Variants in WDR33 observed in about 807,000 individuals in gnomAD.
WDR33 encodes WD repeat domain 33, also known as pre-mRNA 3' end processing protein WDR33.
In WDR33, 47 loss-of-function variants were observed where a neutral mutation model predicts 164.9. The ratio of observed to expected loss-of-function variants is 0.29; its 90% CI spans 0.23 to 0.36. WDR33 has a LOEUF of 0.36. Among genes scored for constraint, WDR33 ranks in the 10% least tolerant of loss-of-function variants. WDR33 has a pLI of 1.00. For missense variants in WDR33, 1,137 were observed against 1,754.1 expected (o/e 0.65, Z 6.28); for synonymous variants, 505 against 589.0 (o/e 0.86, Z 2.06).
rs1182984191 is a variant in WDR33 at position 127,721,474 on chromosome 2, T to C, written c.1671+362A>G. Among the ~76,000 whole-genome samples, 1 of 152,056 alleles carries C rather than the reference T, an allele frequency of 6.6e-6. No homozygotes were observed. Among genetic ancestry groups the C allele is most frequent in the Non-Finnish European group, 1.5e-5 (1 of 67,994 alleles). Reference sequence around the variant, plus strand: ...CACTTAAAAAAAAATTAGTCAGACGTGATGGTGCATGCCTGTGGTCTCTGC... The same window carrying C: ...CACTTAAAAAAAAATTAGTCAGACGCGATGGTGCATGCCTGTGGTCTCTGC... On this transcript the variant is annotated intron_variant, in intron 15 of 21. Transcript: ENST00000322313. The surrounding 1 kb of genome is among the most constrained non-coding windows in gnomAD (Gnocchi z 4.9).
intron 1 of WDR33, among the ~76,000 whole-genome samples, chr2:127,795,836 G>GA (rs200785408): frequency 0.14 from 19,944 of 143,548 alleles, 1,467 homozygotes; most frequent in South Asian, 0.27. Flanking sequence ...TTTGTCTCCG[G>GA]AAAAAAAAAA....
intron 1 of WDR33, among the ~76,000 whole-genome samples, chr2:127,777,083 T>G (rs148684678): frequency 3.3e-5 from 5 of 152,286 alleles, no homozygotes; most frequent in African/African-American, 1.2e-4. Context: ...GGAACTGAGG[T>G]AGAGAAAAGA....
chr2:127,779,037 G>A (rs1688285010), intron 1 of WDR33, among the ~76,000 whole-genome samples: 1 of 151,954 alleles, frequency 6.6e-6, no homozygotes, highest in African/African-American at 2.4e-5. Flanking sequence ...GCGAGGCTCT[G>A]GCATCAAAAA....
At position 127,701,776 on chromosome 2, in the gene WDR33, G is replaced by A. The variant is rs1281002368; in HGVS notation, c.*4547C>T. 24 of 1,429,930 alleles carry A rather than the reference G, an allele frequency of 1.7e-5. No homozygotes were observed. The highest frequency in any genetic ancestry group is 2.1e-5 in the Non-Finnish European group (23 of 1,091,928). 88.6% of individuals were successfully genotyped at this position (1,429,930 alleles called of 1,614,324 possible). ...CAGCGGCTGGCGGCGGGCGGCGGGTGCCTGCTGCTGGCTGCACTGTGTTTC... is the reference window on the plus strand; with the variant it reads ...CAGCGGCTGGCGGCGGGCGGCGGGTACCTGCTGCTGGCTGCACTGTGTTTC... On this transcript the variant is annotated 3_prime_UTR_variant, in exon 22 of 22. Transcript: ENST00000322313.
rs971768437 is a variant in WDR33, at chr2:127,701,908, G to T, written c.*4415C>A. On this transcript the variant is annotated 3_prime_UTR_variant, in exon 22 of 22. Transcript: ENST00000322313. ...GCGTTGGCGGGAAGCGCGCTGCTGC[G>T]GGGCGGCGCGGCGTGCGGACGCCTG... 2 of 1,449,566 alleles carry T rather than the reference G, an allele frequency of 1.4e-6. No homozygotes were observed. The highest frequency in any genetic ancestry group is 1.3e-5 in the South Asian group (1 of 76,118). The allele number at this position is 1,449,566 out of a possible 1,614,324, so 89.8% of individuals were successfully genotyped here.
chr2:127,711,780 A>ATTTTTTTTTT (rs1158780905), intron 18 of WDR33, among the ~76,000 whole-genome samples: 4 of 88,302 alleles, frequency 4.5e-5, no homozygotes, highest in African/African-American at 1.9e-4. Context: ...ATATATATAT[A>ATTTTTTTTTT]TTTTTTTTTT....
intron 1 of WDR33, among the ~76,000 whole-genome samples, chr2:127,776,572 G>C (rs551385834): frequency 6.6e-6 from 1 of 152,246 alleles, no homozygotes; most frequent in East Asian, 1.9e-4. Flanking sequence ...AGCCGGGCCT[G>C]GTGGTGCACA....
intron 7 of WDR33, among the ~76,000 whole-genome samples, chr2:127,732,466 C>A (rs1375775774): frequency 6.6e-6 from 1 of 152,086 alleles, no homozygotes; most frequent in Admixed American, 6.5e-5. Context: ...GGACTACAGG[C>A]ATGCACTATC....
intron 7 of WDR33, among the ~76,000 whole-genome samples, chr2:127,732,934 C>G (rs966678905): frequency 6.6e-6 from 1 of 152,132 alleles, no homozygotes; most frequent in Non-Finnish European, 1.5e-5. Context: ...TTCTGAGGTA[C>G]AGAATTTCAT....
intron 1 of WDR33, among the ~76,000 whole-genome samples, chr2:127,794,814 A>C (rs1446521785): frequency 6.8e-6 from 1 of 146,982 alleles, no homozygotes; most frequent in Non-Finnish European, 1.5e-5. Context: ...AGCCTGGGCG[A>C]CAAAGCGAGA....
chr2:127,709,436 C>A lies in WDR33; in HGVS notation c.3565+54G>T, dbSNP rs371609224. Reference sequence around the variant, plus strand: ...TGCACCCCAGAGAGGGCCCTCAGAACTCACTTTGTGAACTGCAGTCTAGAG... The same window carrying A: ...TGCACCCCAGAGAGGGCCCTCAGAAATCACTTTGTGAACTGCAGTCTAGAG... On this transcript the variant is annotated intron_variant, in intron 20 of 21. Coordinates refer to ENST00000322313, the MANE Select transcript of WDR33 (RefSeq NM_018383.5). The surrounding 1 kb of genome is among the most constrained non-coding windows in gnomAD (Gnocchi z 5.0). The A allele has an allele frequency of 1.9e-5, 30 of 1,573,904 alleles. No homozygotes were observed. Among genetic ancestry groups the A allele is most frequent in the Middle Eastern group, 3.4e-4 (2 of 5,866 alleles).
chr2:127,771,250 T>C (rs1182459380), intron 1 of WDR33, among the ~76,000 whole-genome samples: 2 of 152,178 alleles, frequency 1.3e-5, no homozygotes, highest in Non-Finnish European at 2.9e-5. Context: ...AGATGGTATA[T>C]ACAGCCTACT....
chr2:127,808,676 T>A (rs930532987), intron 1 of WDR33, among the ~76,000 whole-genome samples: 24 of 150,624 alleles, frequency 1.6e-4, no homozygotes, highest in South Asian at 6.3e-4. Flanking sequence ...AGGTGGATCA[T>A]TTGAGGTCAG....
chr2:127,723,064 A>T lies in WDR33; in HGVS notation c.1292-20T>A. The T allele has an allele frequency of 6.3e-7, 1 of 1,577,654 alleles. No homozygotes were observed. Among genetic ancestry groups the T allele is most frequent in the Non-Finnish European group, 8.6e-7 (1 of 1,162,870 alleles). On this transcript the variant is annotated intron_variant, in intron 12 of 21. Transcript: ENST00000322313. This position sits in a 1 kb window ranked among gnomAD's most constrained non-coding sequence, Gnocchi z 5.9. The stretch of plus-strand genomic sequence containing the variant: ...GGTCATCTATAAATAGTAATACACC[A>T]TTGTCAATAGAGAATTTACAAAAGT...
intron 1 of WDR33, among the ~76,000 whole-genome samples, chr2:127,804,727 T>C (rs1336732136): frequency 6.6e-6 from 1 of 152,184 alleles, no homozygotes; most frequent in Non-Finnish European, 1.5e-5. Flanking sequence ...GCAAAAGCTC[T>C]TTATTACAGA....
In WDR33 at chr2:127,746,703, G is replaced by T. The variant is rs996243714; in HGVS notation, c.724+16359C>A. Among the ~76,000 whole-genome samples the T allele has an allele frequency of 2.6e-5, 4 of 152,332 alleles. No homozygotes were observed. The East Asian group carries it at 7.7e-4, about 29-fold the overall frequency. ...GTTCCCCAGAGGAAATACGGAGATT[G>T]TGCCAAGCAGAAACTACCACTGTAA... On this transcript the variant is annotated intron_variant, in intron 7 of 21. Transcript: ENST00000322313.
chr2:127,766,438 G>T (rs1687823637), intron 4 of WDR33, among the ~76,000 whole-genome samples: 1 of 151,988 alleles, frequency 6.6e-6, no homozygotes. Context: ...TCTAGTTTCT[G>T]TTATCTGGTA....
At chr2:127,768,642 T>C (rs902642516) in intron 3 of WDR33, among the ~76,000 whole-genome samples, 6 of 152,180 alleles carry the variant, frequency 3.9e-5, no homozygotes, top group Admixed American at 3.9e-4. Flanking sequence ...TTAAGAAATT[T>C]AAAATTAACT....
intron 7 of WDR33, among the ~76,000 whole-genome samples, chr2:127,742,520 C>T (rs1453782004): frequency 6.7e-5 from 7 of 104,298 alleles, no homozygotes; most frequent in South Asian, 3.8e-4. Context: ...GAGACCCTGT[C>T]TCAAAAAAAA....
Sources: allele counts gnomAD v4.1 joint callset (sites outside exome capture counted in the v4.1 genomes callset), GRCh38; gene constraint gnomAD v4.1.1; non-coding constraint Gnocchi (gnomAD v3.1); transcripts MANE v1.5; gene names NCBI Gene and HGNC (gene_info 2026-07-23, HGNC 2026-07-21).